Variants in ALS2 observed in about 807,000 individuals in gnomAD.
ALS2 encodes alsin Rho guanine nucleotide exchange factor ALS2.
Under a neutral mutation model 203.4 loss-of-function variants are expected in ALS2, and 117 were observed. The observed-to-expected ratio is 0.58, with a 90% CI of 0.50 to 0.67. The LOEUF (loss-of-function observed/expected upper bound fraction) is 0.67, where lower values mean the gene tolerates loss of function less well. Among genes scored for constraint, ALS2 ranks in the 30% least tolerant of loss-of-function variants. ALS2 has a pLI of 0.00. For missense variants in ALS2, 1,715 were observed against 1,989.4 expected, an observed-to-expected ratio of 0.86 and a Z score of 2.62; for synonymous variants, 718 against 725.9, an observed-to-expected ratio of 0.99 and a Z score of 0.17.
chr2:201,734,979 T>G (rs1012153168), intron 12 of ALS2, among the ~76,000 whole-genome samples: 1 of 152,160 alleles, frequency 6.6e-6, no homozygotes, highest in African/African-American at 2.4e-5. Flanking sequence ...ATGAACTGAT[T>G]GATAAAATGT....
rs1559061600 is a variant in ALS2, at chr2:201,738,406, G to C, written c.2417+264C>G. 8.2e-6 allele frequency: 4 copies of C among 489,834 alleles called. 1 individual carries two copies. The South Asian group carries it at 8.6e-5, about 10-fold the overall frequency. 30.3% of individuals were successfully genotyped at this position (489,834 alleles called of 1,614,324 possible). On this transcript the variant is annotated intron_variant, in intron 12 of 33. Coordinates refer to ENST00000264276, the MANE Select transcript of ALS2 (RefSeq NM_020919.4). ...AACACTAGGCCTACTGAGGTAAAGA[G>C]AGTTGTCCAAAGTCTCAAGGATAGC...
rs557551706 is a variant in ALS2, at chr2:201,759,604, A to G, written c.1113+1277T>C. ...CTACATGCATTCTTGTTAAACTACT[A>G]CTTTTGCTTTGTTCAGACTTTATAA... On this transcript the variant is annotated intron_variant, in intron 4 of 33. Coordinates refer to ENST00000264276, the MANE Select transcript of ALS2 (RefSeq NM_020919.4). 91 of 984,172 alleles carry G rather than the reference A, an allele frequency of 9.2e-5. No individual in the cohort carries two copies. In the Middle Eastern group the frequency reaches 1.6e-3, roughly 17 times the overall value. The allele number at this position is 984,172 out of a possible 1,614,324, so 61.0% of individuals were successfully genotyped here.
chr2:201,705,107 T>C (rs1689622673), intron 31 of ALS2, 32 bp downstream of exon 31: 1 of 1,601,834 alleles, frequency 6.2e-7, no homozygotes, highest in African/African-American at 1.3e-5. Flanking sequence ...ACTACTTTGA[T>C]TTGTATGGCT....
rs140282977 is a variant in ALS2 at position 201,767,591 on chromosome 2, G to A, written c.21-208C>T. Among the ~76,000 whole-genome samples the A allele has an allele frequency of 5.2e-3, 792 of 152,050 alleles. 8 individuals are homozygous for A. The highest frequency in any genetic ancestry group is 0.018 in the African/African-American group (758 of 41,446). ...TAAAAGACTGAAGGATGTGGGGCGTGGTGGCTCACACCTGTAATCCCAGCC... is the reference window on the plus strand; with the variant it reads ...TAAAAGACTGAAGGATGTGGGGCGTAGTGGCTCACACCTGTAATCCCAGCC... On this transcript the variant is annotated intron_variant, in intron 2 of 33. Coordinates refer to ENST00000264276, the MANE Select transcript of ALS2 (RefSeq NM_020919.4).
intron 26 of ALS2, among the ~76,000 whole-genome samples, chr2:201,710,306 G>C (rs899014199): frequency 2.0e-5 from 3 of 151,924 alleles, no homozygotes; most frequent in Non-Finnish European, 4.4e-5. Flanking sequence ...ACCACTAAAA[G>C]AAAGATTCTG....
At chr2:201,745,034 G>A (rs982658605) in intron 9 of ALS2, among the ~76,000 whole-genome samples, 1 of 152,158 alleles carries the variant, frequency 6.6e-6, no homozygotes, top group Non-Finnish European at 1.5e-5. Context: ...AAATCAGGCA[G>A]GCAAGCTACA....
chr2:201,741,641 G>A (rs939492239), intron 11 of ALS2, 33 bp downstream of exon 11: 11 of 1,604,242 alleles, frequency 6.9e-6, no homozygotes, highest in Middle Eastern at 1.6e-4. Context: ...TAACCCTGCA[G>A]AGATTGAACA....
At chr2:201,715,168 G>A (rs1453467238) in intron 25 of ALS2, among the ~76,000 whole-genome samples, 2 of 152,192 alleles carry the variant, frequency 1.3e-5, no homozygotes, top group Non-Finnish European at 1.5e-5. Flanking sequence ...TGCCACAGAA[G>A]GTCCTGGAGG....
intron 20 of ALS2, among the ~76,000 whole-genome samples, chr2:201,724,908 T>G (rs1339064057): frequency 6.6e-6 from 1 of 152,020 alleles, no homozygotes; most frequent in African/African-American, 2.4e-5. Context: ...GGTCAGGAGA[T>G]CGAGACCATC....
At chr2:201,739,768 AT>A in intron 11 of ALS2, among the ~76,000 whole-genome samples, 1 of 151,810 alleles carries the variant, frequency 6.6e-6, no homozygotes, top group Admixed American at 6.6e-5. Flanking sequence ...GAAAAAAGAA[AT>A]GACAGTGAAG....
At position 201,741,804 on chromosome 2, in the gene ALS2, G is replaced by A. The variant is rs759408917; in HGVS notation, c.2221C>T (p.Arg741Ter). The change falls in exon 11 of 34, where the codon CGA (arginine) becomes TGA (stop). Residue 741 changes from arginine to a stop codon, truncating the protein, a stop_gained. Transcript: ENST00000264276. LOFTEE classifies it high-confidence loss of function. ...TVQLLQEVASRFSKLCYLIGQ... is the reference protein window; with the variant it reads ...TVQLLQEVAS The stretch of plus-strand genomic sequence containing the variant: ...ATGAGGTAACACAGCTTGCTGAATC[G>A]GCTAGCCACCTCCTGCAACAGCTGG... The A allele has an allele frequency of 6.8e-6, 11 of 1,613,998 alleles. No individual in the cohort carries two copies. The highest frequency in any genetic ancestry group is 1.7e-5 in the Admixed American group (1 of 59,988).
chr2:201,744,448 A>G lies in ALS2; in HGVS notation c.1999-19T>C. Reference sequence around the variant, plus strand: ...ATCCAAGCTGAAACAGAAGAAAACAAAAGGATTAAATATAACATATAATTA... The same window carrying G: ...ATCCAAGCTGAAACAGAAGAAAACAGAAGGATTAAATATAACATATAATTA... On this transcript the variant is annotated intron_variant, in intron 9 of 33. Coordinates refer to ENST00000264276, the MANE Select transcript of ALS2 (RefSeq NM_020919.4). 1 of 1,610,758 alleles carries G rather than the reference A, an allele frequency of 6.2e-7. No homozygotes were observed. Among genetic ancestry groups the G allele is most frequent in the Non-Finnish European group, 8.5e-7 (1 of 1,177,640 alleles).
In ALS2 at chr2:201,723,432, CT is replaced by C; in HGVS notation, c.3521del (p.Lys1174SerfsTer34). 2 of 1,612,688 alleles carry C rather than the reference CT, an allele frequency of 1.2e-6. No homozygotes were observed. The highest frequency in any genetic ancestry group is 1.7e-6 in the Non-Finnish European group (2 of 1,178,720). On this transcript the variant is annotated frameshift_variant, in exon 22 of 34. Coordinates refer to ENST00000264276, the MANE Select transcript of ALS2 (RefSeq NM_020919.4). LOFTEE classifies it high-confidence loss of function. Reference protein sequence around the residue: ...GVFDDITRGEKYMGMWQDDVC... With the variant: ...GVFDDITRGEXYMGMWQDDVC... ...CATCATCTTGCCACATTCCCATATA[CT>C]TTTCCCCCCTGCACAGAAATAAAAA...
chr2:201,761,081 G>C lies in ALS2; in HGVS notation c.913C>G (p.Leu305Val). ...VANDQSVATELNAVSAQITSS... is the reference protein window; with the variant it reads ...VANDQSVATEVNAVSAQITSS... The stretch of plus-strand genomic sequence containing the variant: ...GTGATCTGAGCACTTACTGCATTCA[G>C]TTCAGTAGCAACAGACTGATCATTT... Residue 305 changes from leucine to valine, a missense_variant, in exon 4 of 34, where the codon CTG becomes GTG. Leu to Val is a conservative substitution (Grantham distance 32, BLOSUM62 1). Transcript: ENST00000264276. 1 of 1,614,150 alleles carries C rather than the reference G, an allele frequency of 6.2e-7. No homozygotes were observed. The highest frequency in any genetic ancestry group is 1.7e-4 in the Middle Eastern group (1 of 6,060).
rs1252977022 is a variant in ALS2, at chr2:201,727,564, C to T, written c.2912+141G>A. 9 of 769,726 alleles carry T rather than the reference C, an allele frequency of 1.2e-5. No homozygotes were observed. In the African/African-American group the frequency reaches 1.6e-4, roughly 13 times the overall value. 47.7% of individuals were successfully genotyped at this position (769,726 alleles called of 1,614,324 possible). A position where few individuals can be genotyped will look rare whatever the true frequency, so the allele number is the denominator to read the frequency against. ...TATTATCAATAGACTACTTTACTGT[C>T]TAATGTGCTGAGAGGTGGGCCTCAT... On this transcript the variant is annotated intron_variant, in intron 16 of 33. Transcript: ENST00000264276.
At chr2:201,732,724 T>C (rs1457227392) in intron 13 of ALS2, among the ~76,000 whole-genome samples, 1 of 152,186 alleles carries the variant, frequency 6.6e-6, no homozygotes, top group Non-Finnish European at 1.5e-5. Flanking sequence ...TTAACATACA[T>C]CTATATCCTA....
chr2:201,760,402 T>C (rs1693687294), intron 4 of ALS2: 1 of 987,530 alleles, frequency 1.0e-6, no homozygotes, highest in African/African-American at 1.7e-5. Context: ...AACTGAAACA[T>C]GTAATTGCCT....
intron 23 of ALS2, among the ~76,000 whole-genome samples, chr2:201,721,684 G>A (rs1451698787): frequency 2.0e-5 from 3 of 151,238 alleles, no homozygotes; most frequent in African/African-American, 7.3e-5. Flanking sequence ...TTTTTTTTTA[G>A]ACGGAGTCTC....
rs1691101663 is a variant in ALS2 at position 201,725,403 on chromosome 2, A to G, written c.3300T>C (p.Tyr1100=). The G allele has an allele frequency of 1.2e-6, 2 of 1,614,138 alleles. No homozygotes were observed. Among genetic ancestry groups the G allele is most frequent in the Non-Finnish European group, 1.7e-6 (2 of 1,180,010 alleles). Residue 1100 remains tyrosine, a synonymous_variant, in exon 20 of 34, where the codon TAT becomes TAC. Coordinates refer to ENST00000264276, the MANE Select transcript of ALS2 (RefSeq NM_020919.4). ...TTTTTCCTTCTTTCCAATGGCCCAC[A>G]TAATGGTCTTCTTTGTTCATTGCCT... ...PNKAMNKEDH[Y]VGHWKEGKMC...
Sources: allele counts gnomAD v4.1 joint callset (sites outside exome capture counted in the v4.1 genomes callset), GRCh38; gene constraint gnomAD v4.1.1; transcripts MANE v1.5; gene names NCBI Gene and HGNC (gene_info 2026-07-23, HGNC 2026-07-21).